ERICH3: variants seen among roughly 807,000 people sequenced by gnomAD.
ERICH3 encodes the protein glutamate-rich protein 3.
ERICH3 carries 126 observed loss-of-function variants against 131.1 expected under a neutral mutation model. The observed-to-expected ratio is 0.96, with a 90% confidence interval of 0.83 to 1.11. The LOEUF (loss-of-function observed/expected upper bound fraction) is 1.11. ERICH3 is among the 50% of genes most tolerant of loss of function. The pLI is 0.00. For synonymous variants in ERICH3, 695 were observed against 644.6 expected (o/e 1.08, Z -1.18); for missense variants, 2,050 against 1,810.7 (o/e 1.13, Z -2.40).
intron 8 of ERICH3, among the ~76,000 whole-genome samples, chr1:74,617,516 AAG>A (rs1276232815): frequency 2.0e-5 from 3 of 152,242 alleles, no homozygotes; most frequent in Admixed American, 2.0e-4. Context: ...CAGCAATATA[AAG>A]AGAGAGCCAC....
chr1:74,595,763 C>T (rs1469480830), intron 11 of ERICH3, among the ~76,000 whole-genome samples: 1 of 152,038 alleles, frequency 6.6e-6, no homozygotes, highest in East Asian at 1.9e-4. Context: ...GATAGTTCTA[C>T]ATTTAAGTAT....
chr1:74,591,336 C>G (rs1647592169), intron 11 of ERICH3, among the ~76,000 whole-genome samples: 1 of 152,164 alleles, frequency 6.6e-6, no homozygotes, highest in South Asian at 2.1e-4. Flanking sequence ...TCAACCTGAT[C>G]CCATGGGCAC....
At chr1:74,600,020 A>G in intron 10 of ERICH3, 89 bp from the exon 11 acceptor site, 1 of 906,832 alleles carries the variant, frequency 1.1e-6, no homozygotes, top group Non-Finnish European at 1.7e-6. Context: ...TGACTCCATT[A>G]TCCTCTCTTC....
At chr1:74,590,210 T>TC (rs1173560737) in intron 11 of ERICH3, 130 bp from the exon 12 acceptor site, 1 of 818,370 alleles carries the variant, frequency 1.2e-6, no homozygotes, top group East Asian at 2.7e-5. Context: ...GATATCCTTT[T>TC]CCCATATAGT....
At chr1:74,606,563 C>A in intron 10 of ERICH3, 38 bp downstream of exon 10, 2 of 1,542,688 alleles carry the variant, frequency 1.3e-6, no homozygotes, top group Non-Finnish European at 1.8e-6. Flanking sequence ...AACGAAACAG[C>A]CACAGCTACA....
At chr1:74,644,210 A>T (rs1345553719) in intron 3 of ERICH3, among the ~76,000 whole-genome samples, 1 of 151,860 alleles carries the variant, frequency 6.6e-6, no homozygotes, top group South Asian at 2.1e-4. Flanking sequence ...TCCTCTTCTT[A>T]ACACTTCCCT....
Position 74,631,754 on chromosome 1 carries a change from G to C in ERICH3, c.778C>G (p.Pro260Ala). ...SETWRRRRFRPTTAPNGLEPL... is the reference protein window; with the variant it reads ...SETWRRRRFRATTAPNGLEPL... ...TCTAAGCCATTTGGAGCAGTGGTTG[G>C]ACGAAATCTTCTCCTTCTCCATGTT... is the stretch of plus-strand genomic sequence containing the variant. The change falls in exon 7 of 15, where the codon CCA becomes GCA. Residue 260 changes from proline (P) to alanine (A), a missense_variant. Pro to Ala is a conservative substitution (Grantham distance 27). Coordinates refer to ENST00000326665, the MANE Select transcript of ERICH3 (RefSeq NM_001002912.5). The C allele has an allele frequency of 6.2e-7, 1 of 1,613,476 alleles. No homozygotes were observed. The highest frequency in any genetic ancestry group is 8.5e-7 in the Non-Finnish European group (1 of 1,179,586).
intron 11 of ERICH3, among the ~76,000 whole-genome samples, chr1:74,594,022 G>C (rs983830199): frequency 2.6e-5 from 4 of 151,998 alleles, no homozygotes; most frequent in African/African-American, 9.7e-5. Flanking sequence ...CATGAAATGT[G>C]TAGTCTGTCC....
At position 74,673,486 on chromosome 1, in the gene ERICH3, T is replaced by C. The variant is rs760178821; in HGVS notation, c.23+11A>G. 3 of 1,612,658 alleles carry C rather than the reference T, an allele frequency of 1.9e-6. No homozygotes were observed. Among genetic ancestry groups the C allele is most frequent in the East Asian group, 2.2e-5 (1 of 44,702 alleles). ...CTGCCACAGCGTGGAAAAGCTCCAG[T>C]TGTCACTTACCCAGCGGGGTGAGAA... On this transcript the variant is annotated intron_variant, in intron 1 of 14. Transcript: ENST00000326665.
chr1:74,573,080 T>C lies in ERICH3; in HGVS notation c.2630A>G (p.Glu877Gly). ...AVGLSKDEAP[E>G]KQALMLTVLE... ...CACTGTGAGCATCAAGGCTTGCTTT[T>C]CAGGAGCCTCATCTTTACTCAGACC... is the stretch of plus-strand genomic sequence containing the variant. Residue 877 changes from glutamate to glycine, a missense_variant, in exon 14 of 15, where the codon GAA becomes GGA. Transcript: ENST00000326665. 2.5e-6 allele frequency: 4 copies of C among 1,614,180 alleles called. No homozygotes were observed. The highest frequency in any genetic ancestry group is 1.7e-4 in the Middle Eastern group (1 of 6,060).
intron 1 of ERICH3, among the ~76,000 whole-genome samples, chr1:74,652,420 C>T (rs1646544047): frequency 6.6e-6 from 1 of 152,074 alleles, no homozygotes; most frequent in African/African-American, 2.4e-5. Context: ...CGCTTGTAGC[C>T]CATTTTCACA....
At chr1:74,648,683 GT>G (rs1466990051) in intron 2 of ERICH3, among the ~76,000 whole-genome samples, 1 of 152,056 alleles carries the variant, frequency 6.6e-6, no homozygotes, top group Non-Finnish European at 1.5e-5. Flanking sequence ...TTTTGAAAAG[GT>G]TTCACATTGT....
chr1:74,572,401 C>T lies in ERICH3; in HGVS notation c.3309G>A (p.Gly1103=), dbSNP rs190095556. 104 of 1,613,778 alleles carry T rather than the reference C, an allele frequency of 6.4e-5. No homozygotes were observed. In the East Asian group the frequency reaches 2.2e-3, roughly 34 times the overall value. The change falls in exon 14 of 15, where the codon GGG becomes GGA. Residue 1103 remains glycine (G), a synonymous_variant. Transcript: ENST00000326665. The stretch of plus-strand genomic sequence containing the variant: ...CAGCTCTTACTTCTGTCTCTGTTTC[C>T]CCTTCTTCCGCTTTAAGTTTTTGCT... ...KEEQKLKAEE[G]ETETEVRAEE... is the part of the protein sequence containing the mutation.
intron 12 of ERICH3, among the ~76,000 whole-genome samples, chr1:74,578,977 A>C (rs374941691): frequency 6.6e-6 from 1 of 152,324 alleles, no homozygotes; most frequent in South Asian, 2.1e-4. Context: ...CTCTTTTAAA[A>C]ATATTTGAAC....
chr1:74,644,993 T>G (rs577613171), intron 3 of ERICH3, among the ~76,000 whole-genome samples: 33 of 152,174 alleles, frequency 2.2e-4, no homozygotes, highest in South Asian at 4.1e-4. Flanking sequence ...TCAGTGAGGG[T>G]TCCTTTCCAT....
intron 5 of ERICH3, among the ~76,000 whole-genome samples, chr1:74,639,821 G>A (rs1646422225): frequency 1.3e-5 from 2 of 152,082 alleles, no homozygotes; most frequent in Admixed American, 6.6e-5. Flanking sequence ...AAAATCAATG[G>A]CAAGATCTCA....
At chr1:74,614,021 A>G (rs1000461631) in intron 8 of ERICH3, among the ~76,000 whole-genome samples, 2 of 152,188 alleles carry the variant, frequency 1.3e-5, no homozygotes, top group Admixed American at 1.3e-4. Flanking sequence ...TTCAAATTTT[A>G]ATGGTGTATC....
chr1:74,664,254 T>C lies in ERICH3; in HGVS notation c.23+9243A>G, dbSNP rs1646668593. ...AATGATTTTGATTTTCCTCATGGTA[T>C]TTTTCTGCTCAAAGTAAAAAATTTT... On this transcript the variant is annotated intron_variant, in intron 1 of 14. Coordinates refer to ENST00000326665, the MANE Select transcript of ERICH3 (RefSeq NM_001002912.5). Among the ~76,000 whole-genome samples, 3 of 151,826 alleles carry C rather than the reference T, an allele frequency of 2.0e-5. No homozygotes were observed. The South Asian group carries it at 6.2e-4, about 31-fold the overall frequency.
chr1:74,576,944 A>G lies in ERICH3; in HGVS notation c.2177-8T>C. On this transcript the variant is annotated splice_region_variant and splice_polypyrimidine_tract_variant and intron_variant, in intron 12 of 14. Coordinates refer to ENST00000326665, the MANE Select transcript of ERICH3 (RefSeq NM_001002912.5). ...ATGGCAATGAATCCTTTCCTAGTTAAAAAAAAAAAAAAGAAAAAAAAGGTC... is the reference window on the plus strand; with the variant it reads ...ATGGCAATGAATCCTTTCCTAGTTAGAAAAAAAAAAAAGAAAAAAAAGGTC... 1.0e-6 allele frequency: 1 copy of G among 981,172 alleles called. No individual in the cohort carries two copies. 60.8% of individuals were successfully genotyped at this position (981,172 alleles called of 1,614,324 possible).
Sources: allele counts gnomAD v4.1 joint callset (sites outside exome capture counted in the v4.1 genomes callset), GRCh38; gene constraint gnomAD v4.1.1; transcripts MANE v1.5; gene names NCBI Gene and HGNC (gene_info 2026-07-23, HGNC 2026-07-21).